UEVLD: variants seen among roughly 807,000 people sequenced by gnomAD.
The protein encoded by UEVLD is UEV and lactate/malate dehyrogenase domains, also known as ubiquitin-conjugating enzyme E2 variant 3.
A neutral mutation model predicts 58.6 loss-of-function variants in UEVLD; 47 were observed. That is an observed-to-expected ratio of 0.80 (90% CI 0.63 to 1.02). The LOEUF is 1.02. UEVLD is among the 50% of genes least tolerant of loss of function. UEVLD has a pLI of 0.00. For synonymous variants in UEVLD, 197 were observed against 195.3 expected, an observed-to-expected ratio of 1.01 and a Z score of -0.07; for missense variants, 510 against 550.6, an observed-to-expected ratio of 0.93 and a Z score of 0.74.
intron 3 of UEVLD, among the ~76,000 whole-genome samples, chr11:18,571,799 G>A (rs2134041095): frequency 6.6e-6 from 1 of 152,256 alleles, no homozygotes; most frequent in African/African-American, 2.4e-5. Context: ...AGACCCTGGT[G>A]TGGTAGCACA....
At chr11:18,552,564 T>A (rs1263618374) in intron 7 of UEVLD, among the ~76,000 whole-genome samples, 8 of 150,826 alleles carry the variant, frequency 5.3e-5, no homozygotes, top group South Asian at 2.1e-4. Context: ...AAATAAAAAT[T>A]AAAATTAAAA....
intron 7 of UEVLD, among the ~76,000 whole-genome samples, chr11:18,554,687 C>T (rs1012496158): frequency 6.6e-6 from 1 of 152,074 alleles, no homozygotes; most frequent in African/African-American, 2.4e-5. Flanking sequence ...CATGGGACAC[C>T]GTGCCCAACA....
At chr11:18,561,415 A>G (rs1852026314) in intron 6 of UEVLD, among the ~76,000 whole-genome samples, 1 of 151,210 alleles carries the variant, frequency 6.6e-6, no homozygotes, top group South Asian at 2.1e-4. Flanking sequence ...CTACCAACAC[A>G]GTGAAATCCC....
intron 2 of UEVLD, among the ~76,000 whole-genome samples, chr11:18,577,268 G>A (rs1041848116): frequency 4.6e-5 from 7 of 152,130 alleles, no homozygotes; most frequent in African/African-American, 1.7e-4. Flanking sequence ...AAACATTATC[G>A]CATGTAACAA....
At chr11:18,552,148 C>T (rs776169559) in intron 7 of UEVLD, among the ~76,000 whole-genome samples, 14 of 152,190 alleles carry the variant, frequency 9.2e-5, no homozygotes, top group Non-Finnish European at 1.8e-4. Flanking sequence ...ATACTCTTTT[C>T]AAATTATTTA....
At chr11:18,542,413 T>A (rs1463022015) in intron 9 of UEVLD, among the ~76,000 whole-genome samples, 1 of 152,100 alleles carries the variant, frequency 6.6e-6, no homozygotes, top group African/African-American at 2.4e-5. Flanking sequence ...TTTGCTACCC[T>A]TTTCCAGGGT....
At chr11:18,538,674 TCG>T (rs1270776297) in intron 9 of UEVLD, among the ~76,000 whole-genome samples, 9 of 151,814 alleles carry the variant, frequency 5.9e-5, no homozygotes, top group Non-Finnish European at 1.2e-4. Context: ...ACAAAACCTC[TCG>T]CATGATTCAT....
Position 18,532,230 on chromosome 11 carries a change from G to C in UEVLD, c.*90C>G. 1 of 1,237,344 alleles carries C rather than the reference G, an allele frequency of 8.1e-7. No individual in the cohort carries two copies. The highest frequency in any genetic ancestry group is 1.1e-6 in the Non-Finnish European group (1 of 920,346). 76.6% of individuals were successfully genotyped at this position (1,237,344 alleles called of 1,614,324 possible). On this transcript the variant is annotated 3_prime_UTR_variant, in exon 12 of 12. Coordinates refer to ENST00000396197, the MANE Select transcript of UEVLD (RefSeq NM_001040697.4). Reference sequence around the variant, plus strand: ...AGCAGTTTGTAAAAGTAAGTAGCAGGATACAGAAATCCTCAAACCTATATA... The same window carrying C: ...AGCAGTTTGTAAAAGTAAGTAGCAGCATACAGAAATCCTCAAACCTATATA...
intron 5 of UEVLD, among the ~76,000 whole-genome samples, chr11:18,565,946 T>A (rs894409454): frequency 2.7e-5 from 4 of 148,686 alleles, no homozygotes; most frequent in African/African-American, 9.8e-5. Context: ...TTGCCCAGGC[T>A]GGAGTGCAGT....
At chr11:18,541,566 GAGA>G (rs1225153348) in intron 9 of UEVLD, among the ~76,000 whole-genome samples, 1 of 152,214 alleles carries the variant, frequency 6.6e-6, no homozygotes, top group Admixed American at 6.5e-5. Context: ...TTTAAATAAG[GAGA>G]AGGTCACACA....
intron 4 of UEVLD, among the ~76,000 whole-genome samples, chr11:18,569,229 G>T (rs1852465190): frequency 6.6e-6 from 1 of 152,028 alleles, no homozygotes; most frequent in South Asian, 2.1e-4. Context: ...CTTTTATACA[G>T]ATTTTTAATT....
At chr11:18,574,713 T>C (rs1256212245) in intron 3 of UEVLD, among the ~76,000 whole-genome samples, 2 of 152,192 alleles carry the variant, frequency 1.3e-5, no homozygotes. Flanking sequence ...GTTCCTTTCT[T>C]TGAGCTTTAA....
intron 9 of UEVLD, among the ~76,000 whole-genome samples, chr11:18,543,731 G>A (rs1851165434): frequency 6.6e-6 from 1 of 152,154 alleles, no homozygotes; most frequent in Non-Finnish European, 1.5e-5. Flanking sequence ...TGGCTTTATA[G>A]CAAGAGAGAA....
At chr11:18,542,890 C>CTTTTTTTTTT (rs890676886) in intron 9 of UEVLD, among the ~76,000 whole-genome samples, 119 of 125,862 alleles carry the variant, frequency 9.5e-4, no homozygotes, top group Non-Finnish European at 1.3e-3. Context: ...CTTTTCTTTT[C>CTTTTTTTTTT]TTTTTTTTTT....
At chr11:18,566,842 A>G (rs759728679) in intron 4 of UEVLD, among the ~76,000 whole-genome samples, 4 of 152,244 alleles carry the variant, frequency 2.6e-5, no homozygotes, top group Non-Finnish European at 5.9e-5. Context: ...TGCTAATTCA[A>G]CATTTCCCAA....
At chr11:18,564,087 C>T in intron 6 of UEVLD, 1 of 226,980 alleles carries the variant, frequency 4.4e-6, no homozygotes, top group South Asian at 5.0e-5. Context: ...CAAAAGTTGG[C>T]ATATTTAACT....
chr11:18,541,501 T>G (rs1422408073), intron 9 of UEVLD, among the ~76,000 whole-genome samples: 3 of 152,228 alleles, frequency 2.0e-5, no homozygotes, highest in African/African-American at 7.2e-5. Flanking sequence ...TTTGTACTTA[T>G]TTTTCCAGTG....
chr11:18,542,885 C>CTTTT (rs1323061711), intron 9 of UEVLD, among the ~76,000 whole-genome samples: 3 of 97,172 alleles, frequency 3.1e-5, no homozygotes, highest in African/African-American at 7.1e-5. Context: ...ATTTTCTTTT[C>CTTTT]TTTTCTTTTT....
At chr11:18,581,564 A>G (rs1280770397) in intron 1 of UEVLD, among the ~76,000 whole-genome samples, 1 of 152,012 alleles carries the variant, frequency 6.6e-6, no homozygotes, top group East Asian at 1.9e-4. Context: ...TGCACCTGTA[A>G]TCCCAGCTAC....
Sources: allele counts gnomAD v4.1 joint callset (sites outside exome capture counted in the v4.1 genomes callset), GRCh38; gene constraint gnomAD v4.1.1; transcripts MANE v1.5; gene names NCBI Gene and HGNC (gene_info 2026-07-23, HGNC 2026-07-21).